Variants in PPM1L observed in about 807,000 individuals in gnomAD.
PPM1L encodes the protein protein phosphatase, Mg2+/Mn2+ dependent 1L, also known as protein phosphatase 1L.
PPM1L carries 13 observed loss-of-function variants against 31.4 expected under a neutral mutation model. The ratio of observed to expected loss-of-function variants is 0.41; its 90% CI spans 0.27 to 0.66. The LOEUF (loss-of-function observed/expected upper bound fraction) is 0.66, where lower values mean the gene tolerates loss of function less well. Ranked by LOEUF, PPM1L falls within the 30% of genes least tolerant of loss-of-function variation. The pLI is 0.29. For synonymous variants in PPM1L, 184 were observed against 175.4 expected, an observed-to-expected ratio of 1.05 and a Z score of -0.39; for missense variants, 326 against 453.7, an observed-to-expected ratio of 0.72 and a Z score of 2.56.
chr3:161,042,174 A>G (rs753489587), intron 2 of PPM1L, among the ~76,000 whole-genome samples: 14 of 152,224 alleles, frequency 9.2e-5, no homozygotes, highest in Admixed American at 2.0e-4. Flanking sequence ...GTCAACTTCA[A>G]CTGTAATAGA....
intron 2 of PPM1L, among the ~76,000 whole-genome samples, chr3:160,978,115 T>G (rs1299159775): frequency 6.6e-6 from 1 of 152,224 alleles, no homozygotes; most frequent in African/African-American, 2.4e-5. Context: ...GGAGTTGGGC[T>G]CATCTGAGGA....
At chr3:160,868,448 A>G (rs1222635152) in intron 1 of PPM1L, among the ~76,000 whole-genome samples, 3 of 152,254 alleles carry the variant, frequency 2.0e-5, no homozygotes, top group African/African-American at 4.8e-5. Flanking sequence ...CAACATGGTC[A>G]TAACATTAAC....
chr3:160,937,481 G>A lies in PPM1L; in HGVS notation c.400-24255G>A, dbSNP rs370080789. On this transcript the variant is annotated intron_variant, in intron 1 of 3. Coordinates refer to ENST00000498165, the MANE Select transcript of PPM1L (RefSeq NM_139245.4). ...TAAAAATACAAAAAATTAGCCAGACGTGGTGGTGGGCGCCTGTAGTCCCAG... is the reference window on the plus strand; with the variant it reads ...TAAAAATACAAAAAATTAGCCAGACATGGTGGTGGGCGCCTGTAGTCCCAG... Among the ~76,000 whole-genome samples the A allele has an allele frequency of 3.4e-4, 51 of 152,206 alleles. 1 individual carries two copies. The East Asian group carries it at 9.3e-3, about 28-fold the overall frequency.
chr3:160,902,743 C>T (rs1441676222), intron 1 of PPM1L, among the ~76,000 whole-genome samples: 2 of 151,866 alleles, frequency 1.3e-5, no homozygotes, highest in Admixed American at 6.6e-5. Context: ...GTTTTCTTTC[C>T]AACATTTTTA....
intron 2 of PPM1L, among the ~76,000 whole-genome samples, chr3:161,048,456 A>G (rs2108096040): frequency 6.6e-6 from 1 of 152,350 alleles, no homozygotes; most frequent in South Asian, 2.1e-4. Context: ...ATGTGGAGAA[A>G]TAGGAATACT....
intron 2 of PPM1L, among the ~76,000 whole-genome samples, chr3:160,998,448 C>T (rs1717389608): frequency 6.6e-6 from 1 of 152,168 alleles, no homozygotes; most frequent in Non-Finnish European, 1.5e-5. Flanking sequence ...TGGTTCTTAT[C>T]CATGTCATTC....
intron 3 of PPM1L, 36 bp from the exon 4 acceptor site, chr3:161,068,775 G>A (rs765437149): frequency 1.3e-6 from 2 of 1,544,408 alleles, no homozygotes; most frequent in Admixed American, 3.7e-5. Context: ...TGAGATATCA[G>A]CTGGTCAAAC....
intron 2 of PPM1L, among the ~76,000 whole-genome samples, chr3:160,998,046 GA>G (rs1559918236): frequency 6.6e-6 from 1 of 152,010 alleles, no homozygotes. Context: ...ATAATAGAAG[GA>G]AAATAATATA....
At chr3:160,762,306 A>T (rs556643354) in intron 1 of PPM1L, among the ~76,000 whole-genome samples, 24 of 151,744 alleles carry the variant, frequency 1.6e-4, no homozygotes, top group African/African-American at 4.1e-4. Flanking sequence ...TCTGCAAAAA[A>T]TTTTTTTTTC....
chr3:160,867,252 A>T (rs1712124984), intron 1 of PPM1L, among the ~76,000 whole-genome samples: 1 of 151,358 alleles, frequency 6.6e-6, no homozygotes, highest in African/African-American at 2.4e-5. Context: ...AATGACCTGT[A>T]GCCTTAGTTG....
intron 2 of PPM1L, among the ~76,000 whole-genome samples, chr3:161,017,286 A>T (rs1483038856): frequency 1.3e-5 from 2 of 152,338 alleles, no homozygotes; most frequent in East Asian, 3.8e-4. Flanking sequence ...CACAGAATAC[A>T]ATAAATAGAA....
intron 2 of PPM1L, among the ~76,000 whole-genome samples, chr3:160,964,702 T>A (rs1485809797): frequency 6.6e-6 from 1 of 151,980 alleles, no homozygotes; most frequent in Non-Finnish European, 1.5e-5. Flanking sequence ...ATCTATTTGA[T>A]AAAACACCCG....
chr3:160,849,807 G>A (rs183549994), intron 1 of PPM1L, among the ~76,000 whole-genome samples: 26 of 152,082 alleles, frequency 1.7e-4, no homozygotes, highest in Admixed American at 5.9e-4. Flanking sequence ...CTCGTGATCC[G>A]CCTGCCTCAG....
At chr3:160,770,697 C>T (rs112906256) in intron 1 of PPM1L, among the ~76,000 whole-genome samples, 2 of 152,174 alleles carry the variant, frequency 1.3e-5, no homozygotes, top group Non-Finnish European at 2.9e-5. Flanking sequence ...CGATTCTGCA[C>T]GTTGAAAGAC....
intron 2 of PPM1L, among the ~76,000 whole-genome samples, chr3:161,025,516 GA>G (rs1256685636): frequency 2.0e-5 from 3 of 150,874 alleles, no homozygotes; most frequent in East Asian, 3.9e-4. Flanking sequence ...TGGCTTCATT[GA>G]GCTATGATCA....
chr3:160,833,934 T>C (rs978641900), intron 1 of PPM1L, among the ~76,000 whole-genome samples: 1 of 152,142 alleles, frequency 6.6e-6, no homozygotes, highest in Admixed American at 6.6e-5. Flanking sequence ...TTAACCCATC[T>C]TGAGGTAATT....
At chr3:160,953,780 C>A (rs905294419) in intron 1 of PPM1L, among the ~76,000 whole-genome samples, 1 of 152,116 alleles carries the variant, frequency 6.6e-6, no homozygotes, top group Non-Finnish European at 1.5e-5. Flanking sequence ...AGTTTTCAGG[C>A]TTACTGTTAA....
intron 2 of PPM1L, among the ~76,000 whole-genome samples, chr3:160,980,850 A>G (rs1716773798): frequency 6.6e-6 from 1 of 152,124 alleles, no homozygotes; most frequent in South Asian, 2.1e-4. Flanking sequence ...TAATGTGTGG[A>G]AAATGATGGA....
At chr3:160,881,153 A>G (rs2108037665) in intron 1 of PPM1L, among the ~76,000 whole-genome samples, 1 of 152,348 alleles carries the variant, frequency 6.6e-6, no homozygotes, top group Middle Eastern at 3.4e-3. Flanking sequence ...ACCTATATTT[A>G]GGCACTAAGG....
Sources: gnomAD v4.1 joint callset for allele counts (sites outside exome capture counted in the v4.1 genomes callset) on GRCh38, gnomAD v4.1.1 for gene constraint, MANE v1.5 for transcripts, NCBI Gene and HGNC (gene_info 2026-07-23, HGNC 2026-07-21) for gene names.